Variants in ATP6AP2 observed in about 807,000 individuals in gnomAD.
ATP6AP2 encodes the protein ATPase H+ transporting accessory protein 2, also known as renin receptor.
In ATP6AP2, 1 loss-of-function variant was observed where a neutral mutation model predicts 23.4. That is an observed-to-expected ratio of 0.04 (90% CI 0.02 to 0.20). The LOEUF (loss-of-function observed/expected upper bound fraction) is 0.20, where lower values mean the gene tolerates loss of function less well. Ranked by LOEUF, ATP6AP2 falls within the 10% of genes least tolerant of loss-of-function variation. The probability of loss-of-function intolerance (pLI) is 1.00; values close to 1 mark genes in which losing one functional copy is unlikely to be tolerated. For missense variants in ATP6AP2, 174 were observed against 271.3 expected (o/e 0.64, Z 2.52); for synonymous variants, 90 against 97.1 (o/e 0.93, Z 0.43).
chrX:40,604,045 CCTG>C (rs1175953400), intron 8 of ATP6AP2, among the ~76,000 whole-genome samples: 2 of 112,032 alleles, frequency 1.8e-5, no homozygotes, highest in Admixed American at 9.5e-5. Flanking sequence ...AGCTTCATCT[CCTG>C]CTGTGTTCCT....
In ATP6AP2 at chrX:40,598,750, T is replaced by C; in HGVS notation, c.588+16T>C. 2 of 1,193,983 alleles carry C rather than the reference T, an allele frequency of 1.7e-6. No homozygotes were observed. Among genetic ancestry groups the C allele is most frequent in the Non-Finnish European group, 2.3e-6 (2 of 880,388 alleles). ...TTCAAGCTTGGTAAGTAGGCTGCTC[T>C]AATTTTTTAATTCCATTTATTTTGG... On this transcript the variant is annotated intron_variant, in intron 6 of 8. Transcript: ENST00000636580.
At chrX:40,593,819 C>T (rs1926709515) in intron 3 of ATP6AP2, among the ~76,000 whole-genome samples, 2 of 111,564 alleles carry the variant, frequency 1.8e-5, no homozygotes, top group African/African-American at 6.5e-5. Flanking sequence ...CCCAGCTGCA[C>T]ATTATCTTTA....
chrX:40,587,596 C>T (rs1233222707), intron 1 of ATP6AP2, among the ~76,000 whole-genome samples: 1 of 112,530 alleles, frequency 8.9e-6, no homozygotes, highest in Non-Finnish European at 1.9e-5. Flanking sequence ...GTGGTACTTT[C>T]CTTAGGTCAA....
At position 40,590,834 on chromosome X, in the gene ATP6AP2, G is replaced by A. The variant is rs778739881; in HGVS notation, c.169-400G>A. Reference sequence around the variant, plus strand: ...GATGTTTTAATGACCATCTTGCTATGTCTCTGTGAAAGATAAAAGTGATGC... The same window carrying A: ...GATGTTTTAATGACCATCTTGCTATATCTCTGTGAAAGATAAAAGTGATGC... On this transcript the variant is annotated intron_variant, in intron 2 of 8. Coordinates refer to ENST00000636580, the MANE Select transcript of ATP6AP2 (RefSeq NM_005765.3). 2.3e-4 allele frequency: 35 copies of A among 151,942 alleles called. No individual in the cohort carries two copies. In the South Asian group the frequency reaches 4.1e-3, roughly 18 times the overall value. 12.5% of individuals were successfully genotyped at this position (151,942 alleles called of 1,213,427 possible).
At chrX:40,602,007 T>G (rs73623101) in intron 8 of ATP6AP2, among the ~76,000 whole-genome samples, 2 of 91,631 alleles carry the variant, frequency 2.2e-5, no homozygotes, top group Non-Finnish European at 3.8e-5. Flanking sequence ...TTGGGCTGGG[T>G]GTGGTGGCTC....
chrX:40,605,858 T>TA lies in ATP6AP2; in HGVS notation c.*112dup, dbSNP rs922725107. The TA allele has an allele frequency of 4.5e-4, 330 of 728,335 alleles. No homozygotes were observed. Among genetic ancestry groups the TA allele is most frequent in the African/African-American group, 1.1e-3 (50 of 45,700 alleles). The allele number at this position is 728,335 out of a possible 1,213,427, so 60.0% of individuals were successfully genotyped here. ...AAGTAGATAGTATACTTTACATTTA[T>TA]AAAAAAAAATCAAATTTTGTTCTTT... On this transcript the variant is annotated 3_prime_UTR_variant, in exon 9 of 9. Coordinates refer to ENST00000636580, the MANE Select transcript of ATP6AP2 (RefSeq NM_005765.3).
rs41298462 is a variant in ATP6AP2, at chrX:40,599,794, C to T, written c.738+53C>T. 4,786 of 1,186,764 alleles carry T rather than the reference C, an allele frequency of 4.0e-3. 109 individuals carry two copies. In the African/African-American group the frequency reaches 0.075, roughly 19 times the overall value. ...GGAGTATGACCATTTCACTTTTAGC[C>T]TCTTAATAGAAAAATCTGCTGTTTC... is the stretch of plus-strand genomic sequence containing the variant. On this transcript the variant is annotated intron_variant, in intron 7 of 8. Coordinates refer to ENST00000636580, the MANE Select transcript of ATP6AP2 (RefSeq NM_005765.3).
chrX:40,582,487 G>A (rs111550363), intron 1 of ATP6AP2, among the ~76,000 whole-genome samples: 2,222 of 111,714 alleles, frequency 0.02, 56 homozygotes, highest in African/African-American at 0.069. Context: ...GGGAGGTCCT[G>A]CTTGTGGAAT....
chrX:40,589,970 C>T (rs1448472321), intron 2 of ATP6AP2: 1 of 112,139 alleles, frequency 8.9e-6, no homozygotes, highest in African/African-American at 3.2e-5. Context: ...AGGGCAGAGC[C>T]CCTGAGCTTT....
At chrX:40,600,022 AT>A in intron 7 of ATP6AP2, 1 of 307,372 alleles carries the variant, frequency 3.3e-6, no homozygotes, top group Non-Finnish European at 5.9e-6. Flanking sequence ...CACTTTAACC[AT>A]TTTTAATTGT....
chrX:40,601,455 GT>G (rs910410042), intron 8 of ATP6AP2, among the ~76,000 whole-genome samples: 1 of 111,973 alleles, frequency 8.9e-6, no homozygotes, highest in East Asian at 2.8e-4. Context: ...TTACTTAACA[GT>G]TTTTTTGGGT....
chrX:40,587,655 G>A (rs1006305363), intron 1 of ATP6AP2, among the ~76,000 whole-genome samples: 3 of 112,373 alleles, frequency 2.7e-5, no homozygotes, highest in Non-Finnish European at 3.8e-5. Flanking sequence ...CATACTAGGT[G>A]TGGCTAACAT....
At chrX:40,601,037 C>A in intron 8 of ATP6AP2, 156 bp downstream of exon 8, 1 of 520,989 alleles carries the variant, frequency 1.9e-6, no homozygotes, top group Non-Finnish European at 3.1e-6. Context: ...TGTTCACATA[C>A]ATATGTGTGC....
chrX:40,597,202 C>G, intron 3 of ATP6AP2, 47 bp from the exon 4 acceptor site: 1 of 971,028 alleles, frequency 1.0e-6, no homozygotes, highest in African/African-American at 1.9e-5. Context: ...GATTTTTCTT[C>G]CCACTTTGGT....
At chrX:40,597,052 A>T (rs1926790610) in intron 3 of ATP6AP2, 197 bp from the exon 4 acceptor site, 2 of 425,494 alleles carry the variant, frequency 4.7e-6, no homozygotes, top group African/African-American at 2.5e-5. Context: ...ATGATGGGAG[A>T]TACAGACTTG....
Position 40,599,843 on chromosome X carries a change from T to C in ATP6AP2, c.738+102T>C, listed in dbSNP as rs1926862757. The C allele has an allele frequency of 3.0e-5, 31 of 1,023,083 alleles. No homozygotes were observed. The South Asian group carries it at 5.7e-4, about 19-fold the overall frequency. 84.3% of individuals were successfully genotyped at this position (1,023,083 alleles called of 1,213,427 possible). ...TCAAACACTGTTGATTGAACTCTTA[T>C]TTGCCTTCTTTGGGGCTCCTCTAAT... On this transcript the variant is annotated intron_variant, in intron 7 of 8. Coordinates refer to ENST00000636580, the MANE Select transcript of ATP6AP2 (RefSeq NM_005765.3).
intron 3 of ATP6AP2, among the ~76,000 whole-genome samples, chrX:40,593,670 C>T (rs1480527912): frequency 9.1e-6 from 1 of 109,819 alleles, no homozygotes; most frequent in African/African-American, 3.3e-5. Flanking sequence ...CCACGCCCAG[C>T]TAATTTTTTG....
intron 3 of ATP6AP2, among the ~76,000 whole-genome samples, chrX:40,593,306 C>T (rs1926688991): frequency 9.0e-6 from 1 of 110,618 alleles, no homozygotes; most frequent in Admixed American, 9.6e-5. Context: ...CCGTCTCCCC[C>T]AGCGTCTTCT....
intron 8 of ATP6AP2, 184 bp downstream of exon 8, chrX:40,601,065 G>C (rs1463288164): frequency 7.0e-6 from 3 of 429,071 alleles, no homozygotes; most frequent in African/African-American, 5.0e-5. Flanking sequence ...GTGATGATCA[G>C]TTCTTTAGGG....
Sources: allele counts gnomAD v4.1 joint callset (sites outside exome capture counted in the v4.1 genomes callset), GRCh38; gene constraint gnomAD v4.1.1; transcripts MANE v1.5; gene names NCBI Gene and HGNC (gene_info 2026-07-23, HGNC 2026-07-21).